GABRB1: variants seen among roughly 807,000 people sequenced by gnomAD.
GABRB1 encodes gamma-aminobutyric acid type A receptor subunit beta1.
Under a neutral mutation model 51.6 loss-of-function variants are expected in GABRB1, and 17 were observed. That is an observed-to-expected ratio of 0.33 (90% confidence interval 0.23 to 0.49). The LOEUF is 0.49. Among genes scored for constraint, GABRB1 ranks in the 20% least tolerant of loss-of-function variants. The pLI, the probability that GABRB1 is intolerant of heterozygous loss-of-function variation, is 0.99. For missense variants in GABRB1, 410 were observed against 600.6 expected, an observed-to-expected ratio of 0.68 and a Z score of 3.32; for synonymous variants, 247 against 218.9, an observed-to-expected ratio of 1.13 and a Z score of -1.14.
intron 4 of GABRB1, among the ~76,000 whole-genome samples, chr4:47,261,395 A>T (rs574347545): frequency 6.6e-6 from 1 of 152,302 alleles, no homozygotes; most frequent in East Asian, 1.9e-4. Flanking sequence ...TTATACACCA[A>T]TAACAGACAA....
chr4:47,032,801 G>A (rs1023751514), intron 3 of GABRB1: 7 of 552,206 alleles, frequency 1.3e-5, no homozygotes, highest in Middle Eastern at 2.8e-4. Context: ...TTTGGATGAG[G>A]AGGGCACCAT....
intron 8 of GABRB1, among the ~76,000 whole-genome samples, chr4:47,410,301 G>A (rs1408397606): frequency 1.3e-5 from 2 of 152,150 alleles, no homozygotes; most frequent in Admixed American, 6.5e-5. Context: ...TTGTATCAGA[G>A]TAATCCTCCT....
At position 47,112,072 on chromosome 4, in the gene GABRB1, C is replaced by T. The variant is rs193193883; in HGVS notation, c.241-49177C>T. Among the ~76,000 whole-genome samples, 400 of 151,340 alleles carry T rather than the reference C, an allele frequency of 2.6e-3. 1 individual carries two copies. Among genetic ancestry groups the T allele is most frequent in the African/African-American group, 9.3e-3 (385 of 41,230 alleles). ...GCAACCTCCACCTCCCGGGTTCAAG[C>T]GATTCTCCTGCCTCAGCCTCCCGAG... On this transcript the variant is annotated intron_variant, in intron 3 of 8. Coordinates refer to ENST00000295454, the MANE Select transcript of GABRB1 (RefSeq NM_000812.4).
intron 3 of GABRB1, among the ~76,000 whole-genome samples, chr4:47,084,601 T>C (rs567363280): frequency 5.3e-5 from 8 of 152,210 alleles, no homozygotes; most frequent in Non-Finnish European, 1.2e-4. Flanking sequence ...ACATAGCACT[T>C]GGCACAAAAT....
At chr4:47,160,295 G>A (rs1304278222) in intron 3 of GABRB1, among the ~76,000 whole-genome samples, 2 of 152,130 alleles carry the variant, frequency 1.3e-5, no homozygotes, top group African/African-American at 4.8e-5. Context: ...AAACAGGAAT[G>A]TGGTAAGAGA....
chr4:47,356,364 T>C (rs900565733), intron 5 of GABRB1, among the ~76,000 whole-genome samples: 3 of 152,222 alleles, frequency 2.0e-5, no homozygotes, highest in Middle Eastern at 3.2e-3. Flanking sequence ...TACATGTATT[T>C]AGGGATGTCA....
At chr4:47,320,770 CTTTT>C (rs11313211) in intron 5 of GABRB1, among the ~76,000 whole-genome samples, 1 of 105,030 alleles carries the variant, frequency 9.5e-6, no homozygotes, top group Non-Finnish European at 2.0e-5. Flanking sequence ...TTTCTTTTTT[CTTTT>C]TTTTTTTTTT....
intron 4 of GABRB1, among the ~76,000 whole-genome samples, chr4:47,182,052 T>A (rs181285951): frequency 1.3e-5 from 2 of 152,174 alleles, no homozygotes; most frequent in East Asian, 3.9e-4. Context: ...GACACAGATC[T>A]TGGAAATGCA....
At chr4:47,155,247 G>A (rs929219946) in intron 3 of GABRB1, among the ~76,000 whole-genome samples, 3 of 152,036 alleles carry the variant, frequency 2.0e-5, no homozygotes, top group Non-Finnish European at 4.4e-5. Flanking sequence ...TAGGCTTTCC[G>A]GGGAAGCAGC....
chr4:47,090,493 G>A (rs1163497293), intron 3 of GABRB1, among the ~76,000 whole-genome samples: 1 of 152,136 alleles, frequency 6.6e-6, no homozygotes, highest in Non-Finnish European at 1.5e-5. Flanking sequence ...GATGACTTGG[G>A]CAGACACAAC....
intron 3 of GABRB1, among the ~76,000 whole-genome samples, chr4:47,139,313 C>G (rs1486909654): frequency 3.3e-5 from 5 of 152,032 alleles, no homozygotes; most frequent in African/African-American, 7.2e-5. Flanking sequence ...CTCCAGACAA[C>G]AGTTTGAATT....
intron 4 of GABRB1, among the ~76,000 whole-genome samples, chr4:47,245,845 TA>T (rs1400215452): frequency 6.6e-6 from 1 of 150,936 alleles, no homozygotes; most frequent in African/African-American, 2.4e-5. Flanking sequence ...TTTTTTTTAA[TA>T]AAAAGCTGCA....
intron 4 of GABRB1, among the ~76,000 whole-genome samples, chr4:47,304,405 A>G (rs890841123): frequency 1.2e-4 from 19 of 152,150 alleles, no homozygotes; most frequent in African/African-American, 4.6e-4. Context: ...ATTTTTTCAT[A>G]TACATGTTGG....
intron 4 of GABRB1, among the ~76,000 whole-genome samples, chr4:47,212,081 G>A (rs920317976): frequency 3.3e-5 from 5 of 152,122 alleles, no homozygotes; most frequent in African/African-American, 9.7e-5. Context: ...GAGTGGCAAA[G>A]GGAATGGAAC....
At chr4:47,236,087 A>G (rs1721324293) in intron 4 of GABRB1, among the ~76,000 whole-genome samples, 1 of 152,122 alleles carries the variant, frequency 6.6e-6, no homozygotes, top group Non-Finnish European at 1.5e-5. Flanking sequence ...ATGTAGTCTG[A>G]CAAGCACAGA....
chr4:47,184,889 G>T (rs1335557629), intron 4 of GABRB1, among the ~76,000 whole-genome samples: 1 of 151,742 alleles, frequency 6.6e-6, no homozygotes, highest in Admixed American at 6.6e-5. Context: ...ATATCTTTTA[G>T]GCAGAGTAGC....
chr4:47,067,721 A>G (rs1232354641), intron 3 of GABRB1, among the ~76,000 whole-genome samples: 2 of 151,464 alleles, frequency 1.3e-5, no homozygotes, highest in Non-Finnish European at 2.9e-5. Context: ...ATTTTTATTT[A>G]TTTATTTTTT....
chr4:47,200,118 G>A (rs927038218), intron 4 of GABRB1, among the ~76,000 whole-genome samples: 2 of 152,166 alleles, frequency 1.3e-5, no homozygotes, highest in African/African-American at 2.4e-5. Context: ...GGGCATAGAG[G>A]GAAGTGAGAA....
chr4:47,031,865 C>A, intron 1 of GABRB1, 49 bp from the exon 2 acceptor site: 1 of 1,556,710 alleles, frequency 6.4e-7, no homozygotes, highest in Non-Finnish European at 8.9e-7. Context: ...TTTATATGTG[C>A]TCACAGTTTG....
Sources: gnomAD v4.1 joint callset for allele counts (sites outside exome capture counted in the v4.1 genomes callset) on GRCh38, gnomAD v4.1.1 for gene constraint, MANE v1.5 for transcripts, NCBI Gene and HGNC (gene_info 2026-07-23, HGNC 2026-07-21) for gene names.